The following CHD7 variants were observed in gnomAD, a reference collection of about 807,000 sequenced individuals.
CHD7 encodes the protein ATP-dependent chromatin remodeler CHD7.
A neutral mutation model predicts 307.3 loss-of-function variants in CHD7; 24 were observed. That is an observed-to-expected ratio of 0.08 (90% CI 0.06 to 0.11). CHD7 has a LOEUF of 0.11. CHD7 is among the 10% of genes least tolerant of loss of function. The pLI is 1.00. For missense variants in CHD7, 3,106 were observed against 3,727.1 expected, an observed-to-expected ratio of 0.83 and a Z score of 4.34; for synonymous variants, 1,363 against 1,349.9, an observed-to-expected ratio of 1.01 and a Z score of -0.21.
chr8:60,775,073 A>G (rs1375385833), intron 2 of CHD7, among the ~76,000 whole-genome samples: 1 of 152,094 alleles, frequency 6.6e-6, no homozygotes, highest in Non-Finnish European at 1.5e-5. Flanking sequence ...GTTAATTTGT[A>G]GCCATTTAAG....
At chr8:60,703,446 A>G (rs930254611) in intron 1 of CHD7, among the ~76,000 whole-genome samples, 5 of 152,220 alleles carry the variant, frequency 3.3e-5, no homozygotes, top group Non-Finnish European at 7.3e-5. Context: ...AGGTAGGGTT[A>G]TGGATAGGAA....
chr8:60,736,873 G>A (rs911298375), intron 1 of CHD7, among the ~76,000 whole-genome samples: 1 of 152,230 alleles, frequency 6.6e-6, no homozygotes, highest in East Asian at 1.9e-4. Flanking sequence ...ACGCTAAAAG[G>A]TTCTGCGTCA....
intron 5 of CHD7, 97 bp from the exon 6 acceptor site, chr8:60,801,431 G>T (rs1812305892): frequency 1.2e-6 from 1 of 832,400 alleles, no homozygotes; most frequent in Non-Finnish European, 2.0e-6. Context: ...TGACTTAAAA[G>T]GTGTGGAGGT....
intron 1 of CHD7, among the ~76,000 whole-genome samples, chr8:60,686,958 C>T (rs1360904702): frequency 2.0e-5 from 3 of 152,102 alleles, no homozygotes; most frequent in African/African-American, 4.8e-5. Context: ...TGTTTTGTTT[C>T]GTTTTCGAGA....
chr8:60,853,561 C>A, intron 31 of CHD7, 61 bp downstream of exon 31: 1 of 1,347,982 alleles, frequency 7.4e-7, no homozygotes, highest in Non-Finnish European at 1.0e-6. Context: ...AGATGCGTTG[C>A]TTTCTGGCAG....
rs192316454 is a variant in CHD7 at position 60,765,796 on chromosome 8, C to T, written c.1666-15204C>T. On this transcript the variant is annotated intron_variant, in intron 2 of 37. Transcript: ENST00000423902. ...CCAGTCAGTTGTACAGAAGCATGGG[C>T]GCTTTACATTTTAGAATGATCTTGC... 1.3e-4 allele frequency among the ~76,000 whole-genome samples: 20 copies of T among 152,202 alleles called. No individual in the cohort carries two copies. In the East Asian group the frequency reaches 3.1e-3, roughly 23 times the overall value.
intron 2 of CHD7, among the ~76,000 whole-genome samples, chr8:60,771,574 C>T (rs1358216584): frequency 2.6e-5 from 4 of 152,264 alleles, no homozygotes; most frequent in East Asian, 3.9e-4. Context: ...TCTCAGTTTC[C>T]GTAGATCAGA....
chr8:60,867,566 A>G lies in CHD7; in HGVS notation c.*1633A>G, dbSNP rs1806280186. 1 of 152,240 alleles carries G rather than the reference A, an allele frequency of 6.6e-6. No homozygotes were observed. Among genetic ancestry groups the G allele is most frequent in the African/African-American group, 2.4e-5 (1 of 41,460 alleles). The allele number at this position is 152,240 out of a possible 1,614,324, so 9.4% of individuals were successfully genotyped here. A position where few individuals can be genotyped will look rare whatever the true frequency, so the allele number is the denominator to read the frequency against. ...CCAACACAAAGCCATATTTCCATCC[A>G]GTTAAAAAGCAGGGGAAGGGATGTG... On this transcript the variant is annotated 3_prime_UTR_variant, in exon 38 of 38. Transcript: ENST00000423902.
At chr8:60,856,916 G>T (rs552487364) in intron 34 of CHD7, 28 bp downstream of exon 34, 3 of 1,518,870 alleles carry the variant, frequency 2.0e-6, no homozygotes, top group Non-Finnish European at 2.6e-6. Flanking sequence ...CCTGCATGGC[G>T]ATTGCACGTG....
chr8:60,742,155 G>C lies in CHD7; in HGVS notation c.723G>C (p.Gln241His), dbSNP rs901153300. The change falls in exon 2 of 38, where the codon CAG becomes CAC. Residue 241 changes from glutamine to histidine, a missense_variant. Physicochemically the swap from Gln to His is conservative, Grantham distance 24. This residue lies in a region of CHD7 where 998 missense variants were observed against 1,004.5 expected (regional missense o/e 0.99). Coordinates refer to ENST00000423902, the MANE Select transcript of CHD7 (RefSeq NM_017780.4). ...GCCACTTGTCCCACGTGCCCCAGCA[G>C]AGTCCCAGCATGGCACCTTCCTTGC... is the stretch of plus-strand genomic sequence containing the variant. ...GPGHLSHVPQ[Q>H]SPSMAPSLRH... 19 of 1,613,838 alleles carry C rather than the reference G, an allele frequency of 1.2e-5. No individual in the cohort carries two copies. Among genetic ancestry groups the C allele is most frequent in the Admixed American group, 1.7e-5 (1 of 60,010 alleles).
At chr8:60,862,682 A>G in intron 37 of CHD7, 30 bp downstream of exon 37, 1 of 1,425,422 alleles carries the variant, frequency 7.0e-7, no homozygotes, top group South Asian at 1.2e-5. Context: ...CTATCAAGAA[A>G]GGTAGCTATA....
chr8:60,697,927 C>T (rs937801411), intron 1 of CHD7, among the ~76,000 whole-genome samples: 1 of 152,138 alleles, frequency 6.6e-6, no homozygotes, highest in African/African-American at 2.4e-5. Context: ...TGAACATGAC[C>T]CTCCTCAGCT....
chr8:60,838,333 C>A, intron 19 of CHD7, 78 bp downstream of exon 19: 5 of 1,274,112 alleles, frequency 3.9e-6, no homozygotes, highest in Non-Finnish European at 4.4e-6. Context: ...TGTAAAAGTG[C>A]TTACAAGATG....
intron 1 of CHD7, among the ~76,000 whole-genome samples, chr8:60,733,222 C>T (rs1411269501): frequency 1.5e-5 from 2 of 130,382 alleles, no homozygotes; most frequent in African/African-American, 3.0e-5. Context: ...GGTGACAGAG[C>T]GAGACCCTGT....
intron 4 of CHD7, 111 bp downstream of exon 4, chr8:60,795,238 T>A: frequency 9.7e-7 from 1 of 1,029,034 alleles, no homozygotes; most frequent in Non-Finnish European, 1.4e-6. Context: ...GCTCTTGAGA[T>A]GTCTTTATTG....
chr8:60,859,556 G>C (rs1805872783), intron 34 of CHD7, among the ~76,000 whole-genome samples: 1 of 152,228 alleles, frequency 6.6e-6, no homozygotes, highest in African/African-American at 2.4e-5. Flanking sequence ...TGAGCCCAAA[G>C]GAAGCCTGGG....
At chr8:60,726,496 T>C (rs953877029) in intron 1 of CHD7, among the ~76,000 whole-genome samples, 6 of 152,246 alleles carry the variant, frequency 3.9e-5, no homozygotes, top group African/African-American at 1.4e-4. Context: ...ATTTTAACTT[T>C]TAGGTTTGGG....
chr8:60,787,239 T>C (rs1811532411), intron 3 of CHD7, among the ~76,000 whole-genome samples: 1 of 152,152 alleles, frequency 6.6e-6, no homozygotes, highest in Non-Finnish European at 1.5e-5. Flanking sequence ...AGGCACCTGA[T>C]TGAAATGTGG....
At chr8:60,817,217 C>T (rs1803790678) in intron 8 of CHD7, among the ~76,000 whole-genome samples, 1 of 152,128 alleles carries the variant, frequency 6.6e-6, no homozygotes, top group African/African-American at 2.4e-5. Flanking sequence ...AAAGAAAAAC[C>T]CTAACATTGA....
Sources: gnomAD v4.1 joint callset for allele counts (sites outside exome capture counted in the v4.1 genomes callset) on GRCh38, gnomAD v4.1.1 for gene constraint, gnomAD v4.1.1 regional missense constraint, MANE v1.5 for transcripts, NCBI Gene and HGNC (gene_info 2026-07-23, HGNC 2026-07-21) for gene names.